The following ANO1 variants were observed in gnomAD, a reference collection of about 807,000 sequenced individuals.
ANO1 encodes anoctamin-1.
A neutral mutation model predicts 124.0 loss-of-function variants in ANO1; 59 were observed. The ratio of observed to expected loss-of-function variants is 0.48; its 90% CI spans 0.39 to 0.59. ANO1 has a LOEUF of 0.59. Ranked by LOEUF, ANO1 falls within the 20% of genes least tolerant of loss-of-function variation. ANO1 has a pLI of 0.00. For synonymous variants in ANO1, 529 were observed against 532.0 expected (o/e 0.99, Z 0.08); for missense variants, 1,059 against 1,328.0 (o/e 0.80, Z 3.15).
intron 22 of ANO1, among the ~76,000 whole-genome samples, chr11:70,171,803 C>CA (rs1473623541): frequency 3.3e-5 from 5 of 152,124 alleles, no homozygotes; most frequent in African/African-American, 4.8e-5. Context: ...CCTGTCTCTA[C>CA]AAAAAAACAC....
At chr11:70,042,452 G>A (rs1419717914) in intron 1 of ANO1, among the ~76,000 whole-genome samples, 2 of 152,148 alleles carry the variant, frequency 1.3e-5, no homozygotes, top group African/African-American at 2.4e-5. Context: ...GAATACCCAA[G>A]AGGGGGATGT....
chr11:70,097,750 A>C (rs1217128753), intron 2 of ANO1, among the ~76,000 whole-genome samples: 1 of 152,188 alleles, frequency 6.6e-6, no homozygotes, highest in East Asian at 1.9e-4. Flanking sequence ...GCTGGCACAG[A>C]GTAGGCGCTT....
At chr11:70,064,177 C>G (rs943802066) in intron 1 of ANO1, 1 of 152,264 alleles carries the variant, frequency 6.6e-6, no homozygotes, top group Non-Finnish European at 1.5e-5. Context: ...TAGGTCTGGC[C>G]TGATGGAGGC....
At chr11:70,110,179 ACTTT>A (rs1166219463) in intron 6 of ANO1, among the ~76,000 whole-genome samples, 2 of 126,252 alleles carry the variant, frequency 1.6e-5, no homozygotes, top group African/African-American at 2.9e-5. Flanking sequence ...GCCTATGTTC[ACTTT>A]CTTTTTTTTT....
intron 11 of ANO1, among the ~76,000 whole-genome samples, chr11:70,144,023 G>T (rs889183230): frequency 6.6e-6 from 1 of 151,930 alleles, no homozygotes; most frequent in African/African-American, 2.4e-5. Flanking sequence ...CTACCAATCT[G>T]CTTTCTGTCT....
At chr11:70,132,979 C>T (rs887857900) in intron 11 of ANO1, among the ~76,000 whole-genome samples, 1 of 152,176 alleles carries the variant, frequency 6.6e-6, no homozygotes, top group Non-Finnish European at 1.5e-5. Context: ...GTGTGAGGCC[C>T]TTCAGATGAG....
intron 8 of ANO1, among the ~76,000 whole-genome samples, chr11:70,118,624 G>T (rs954901090): frequency 1.5e-5 from 2 of 133,410 alleles, no homozygotes; most frequent in African/African-American, 5.7e-5. Flanking sequence ...ATAGATTATG[G>T]ATGGGTGAAT....
At chr11:70,152,000 C>T (rs557018833) in intron 12 of ANO1, among the ~76,000 whole-genome samples, 7 of 152,250 alleles carry the variant, frequency 4.6e-5, no homozygotes, top group South Asian at 2.1e-4. Context: ...CCACCCATCC[C>T]GGCTCACCTG....
chr11:70,090,197 CAG>C (rs1379132659), intron 2 of ANO1, among the ~76,000 whole-genome samples: 1 of 152,162 alleles, frequency 6.6e-6, no homozygotes, highest in Non-Finnish European at 1.5e-5. Flanking sequence ...TTAGTAGAGA[CAG>C]GGTTTCACTG....
intron 21 of ANO1, 120 bp downstream of exon 21, chr11:70,167,507 C>T: frequency 7.4e-7 from 1 of 1,348,324 alleles, no homozygotes; most frequent in Admixed American, 2.7e-5. Context: ...CAGCGTCCCT[C>T]CATAAGCATC....
At chr11:70,050,443 C>A (rs545969835) in intron 1 of ANO1, among the ~76,000 whole-genome samples, 1 of 152,156 alleles carries the variant, frequency 6.6e-6, no homozygotes, top group African/African-American at 2.4e-5. Context: ...TTCCTCGTTC[C>A]CCAGGCAGCT....
chr11:70,003,307 C>G (rs1175691616), intron 1 of ANO1, among the ~76,000 whole-genome samples: 1 of 152,148 alleles, frequency 6.6e-6, no homozygotes, highest in Non-Finnish European at 1.5e-5. Flanking sequence ...ATCAAACAGG[C>G]AAAATCGGTC....
chr11:70,022,392 A>T (rs190490924), intron 1 of ANO1, among the ~76,000 whole-genome samples: 116 of 152,250 alleles, frequency 7.6e-4, no homozygotes, highest in African/African-American at 2.5e-3. Flanking sequence ...TGAGGTCAGG[A>T]GTTCAAGACC....
rs187872335 is a variant in ANO1, at chr11:70,124,372, G to A, written c.920G>A (p.Arg307His). Residue 307 changes from arginine to histidine, a missense_variant, in exon 9 of 26, where the codon CGC (arginine) becomes CAC (histidine). Physicochemically the swap from Arg to His is conservative, Grantham distance 29 (BLOSUM62 0). This residue lies in a region of ANO1 where 809 missense variants were observed against 1,094.9 expected (regional missense o/e 0.74). Coordinates refer to ENST00000355303, the MANE Select transcript of ANO1 (RefSeq NM_018043.7). Reference sequence around the variant, plus strand: ...CAGCTCCTGTACGAAGAGTGGGCACGCTATGGAGTTTTCTATAAGTACCAG... The same window carrying A: ...CAGCTCCTGTACGAAGAGTGGGCACACTATGGAGTTTTCTATAAGTACCAG... ...DRKLLYEEWA[R>H]YGVFYKYQPI... 5.6e-6 allele frequency: 9 copies of A among 1,613,846 alleles called. No homozygotes were observed. Among genetic ancestry groups the A allele is most frequent in the East Asian group, 4.5e-5 (2 of 44,872 alleles).
chr11:70,006,355 T>C (rs1204673989), intron 1 of ANO1, among the ~76,000 whole-genome samples: 1 of 152,148 alleles, frequency 6.6e-6, no homozygotes, highest in Admixed American at 6.5e-5. Context: ...CAGCTCTTCC[T>C]TATCTGAACT....
chr11:70,137,044 T>A (rs1197222075), intron 11 of ANO1, among the ~76,000 whole-genome samples: 1 of 147,100 alleles, frequency 6.8e-6, no homozygotes, highest in Non-Finnish European at 1.5e-5. Flanking sequence ...TGGGAGGTGA[T>A]GTCTATGTGT....
At chr11:70,128,172 C>T (rs1193407755) in intron 10 of ANO1, among the ~76,000 whole-genome samples, 2 of 151,056 alleles carry the variant, frequency 1.3e-5, no homozygotes, top group Non-Finnish European at 3.0e-5. Context: ...CCCACCCCCA[C>T]CCCCGAATCA....
At chr11:70,062,566 G>T (rs1381091666) in intron 1 of ANO1, among the ~76,000 whole-genome samples, 3 of 152,190 alleles carry the variant, frequency 2.0e-5, no homozygotes, top group African/African-American at 7.2e-5. Context: ...CTGGGGGAGG[G>T]TTCAGGAGCT....
intron 14 of ANO1, 74 bp from the exon 15 acceptor site, chr11:70,155,837 C>G (rs1044642107): frequency 7.2e-7 from 1 of 1,381,642 alleles, no homozygotes; most frequent in Non-Finnish European, 9.7e-7. Flanking sequence ...GGGGACGGTT[C>G]CCTGGGCCCC....
Sources: gnomAD v4.1 joint callset for allele counts (sites outside exome capture counted in the v4.1 genomes callset) on GRCh38, gnomAD v4.1.1 for gene constraint, gnomAD v4.1.1 regional missense constraint, MANE v1.5 for transcripts, NCBI Gene and HGNC (gene_info 2026-07-23, HGNC 2026-07-21) for gene names.